Variants in MGMT observed in about 807,000 individuals in gnomAD.
The protein encoded by MGMT is O-6-methylguanine-DNA methyltransferase, also known as methylated-DNA--protein-cysteine methyltransferase.
MGMT carries 14 observed loss-of-function variants against 15.9 expected under a neutral mutation model. The observed-to-expected ratio is 0.88, with a 90% CI of 0.58 to 1.37. The LOEUF is 1.37. MGMT is among the 40% of genes most tolerant of loss of function. The probability of loss-of-function intolerance (pLI) is 0.00; values close to 1 mark genes in which losing one functional copy is unlikely to be tolerated. For synonymous variants in MGMT, 130 were observed against 118.2 expected, an observed-to-expected ratio of 1.10 and a Z score of -0.65; for missense variants, 282 against 268.1, an observed-to-expected ratio of 1.05 and a Z score of -0.36.
rs776530678 is a variant in MGMT, at chr10:129,759,308, G to A, written c.381G>A (p.Ala127=). Residue 127 remains alanine, a synonymous_variant, in exon 4 of 5, where the codon GCG becomes GCA. Coordinates refer to ENST00000651593, the MANE Select transcript of MGMT (RefSeq NM_002412.5). ...LAALAGNPKA[A]RAVGGAMRGN... is the part of the protein sequence containing the mutation. ...CCCTGGCAGGCAACCCCAAAGCCGC[G>A]CGAGCAGTGGGAGGAGCAATGAGAG... 33 of 1,614,074 alleles carry A rather than the reference G, an allele frequency of 2.0e-5. No homozygotes were observed. The highest frequency in any genetic ancestry group is 2.0e-4 in the East Asian group (9 of 44,894).
intron 1 of MGMT, among the ~76,000 whole-genome samples, chr10:129,477,997 G>A (rs1200211114): frequency 1.3e-5 from 2 of 152,160 alleles, no homozygotes; most frequent in African/African-American, 4.8e-5. Context: ...CAGATTTCAT[G>A]ACCAGAAACA....
intron 2 of MGMT, among the ~76,000 whole-genome samples, chr10:129,655,185 G>A (rs561057501): frequency 1.9e-4 from 29 of 152,328 alleles, no homozygotes; most frequent in Non-Finnish European, 3.2e-4. Flanking sequence ...ACACAGTCCC[G>A]TGGGGGCCCC....
chr10:129,496,682 C>T (rs114378367), intron 1 of MGMT, among the ~76,000 whole-genome samples: 3,380 of 152,150 alleles, frequency 0.022, 82 homozygotes, highest in African/African-American at 0.058. Context: ...CTAGCTGTCC[C>T]GTGCTCTAGA....
chr10:129,645,988 G>C lies in MGMT; in HGVS notation c.126-61907G>C, dbSNP rs889338840. On this transcript the variant is annotated intron_variant, in intron 2 of 4. Coordinates refer to ENST00000651593, the MANE Select transcript of MGMT (RefSeq NM_002412.5). Reference sequence around the variant, plus strand: ...AGGTGTGGCTTGTTTGCATCTCTATGTTTGTGACCAAGTCGTTTCCTTCCT... The same window carrying C: ...AGGTGTGGCTTGTTTGCATCTCTATCTTTGTGACCAAGTCGTTTCCTTCCT... Among the ~76,000 whole-genome samples, 4 of 152,286 alleles carry C rather than the reference G, an allele frequency of 2.6e-5. No homozygotes were observed. The East Asian group carries it at 7.8e-4, about 30-fold the overall frequency.
Position 129,768,600 on chromosome 10 carries a change from G to A in MGMT, c.*1603G>A, listed in dbSNP as rs894949107. Among the ~76,000 whole-genome samples the A allele has an allele frequency of 2.6e-5, 4 of 152,266 alleles. No homozygotes were observed. The highest frequency in any genetic ancestry group is 4.8e-5 in the African/African-American group (2 of 41,476). On this transcript the variant is annotated 3_prime_UTR_variant, in exon 5 of 5. Coordinates refer to ENST00000651593, the MANE Select transcript of MGMT (RefSeq NM_002412.5). The stretch of plus-strand genomic sequence containing the variant: ...ATGATGGCCCTCCCCAGTGATGGCC[G>A]GTCACCAGGCACGGCTTTCCCCTCT...
chr10:129,657,291 T>A (rs1250456693), intron 2 of MGMT, among the ~76,000 whole-genome samples: 2 of 151,970 alleles, frequency 1.3e-5, no homozygotes, highest in East Asian at 3.9e-4. Flanking sequence ...GGAATACACA[T>A]GTATGTGACT....
At chr10:129,669,272 T>C (rs1212789358) in intron 2 of MGMT, among the ~76,000 whole-genome samples, 1 of 152,116 alleles carries the variant, frequency 6.6e-6, no homozygotes, top group Non-Finnish European at 1.5e-5. Context: ...CTCAAACAAT[T>C]CTCCCACCTC....
intron 2 of MGMT, among the ~76,000 whole-genome samples, chr10:129,627,469 G>T (rs112090505): frequency 2.6e-5 from 4 of 151,906 alleles, no homozygotes; most frequent in African/African-American, 9.7e-5. Context: ...TCAGTTTTTC[G>T]CCCCCGAGTG....
chr10:129,606,675 G>A (rs1564866738), intron 2 of MGMT, among the ~76,000 whole-genome samples: 1 of 152,194 alleles, frequency 6.6e-6, no homozygotes, highest in Non-Finnish European at 1.5e-5. Context: ...TAATTAAAGT[G>A]GGTTTGTTTA....
At chr10:129,515,495 CAT>C (rs1316061001) in intron 1 of MGMT, among the ~76,000 whole-genome samples, 1 of 152,210 alleles carries the variant, frequency 6.6e-6, no homozygotes, top group Non-Finnish European at 1.5e-5. Context: ...CTTGATAGCA[CAT>C]GTTTCAGCTG....
intron 3 of MGMT, among the ~76,000 whole-genome samples, chr10:129,745,733 G>C (rs572999447): frequency 6.6e-6 from 1 of 152,056 alleles, no homozygotes; most frequent in African/African-American, 2.4e-5. Context: ...TTCTTTTGTG[G>C]TTATTGACCC....
At chr10:129,575,123 A>G (rs906569184) in intron 2 of MGMT, among the ~76,000 whole-genome samples, 1 of 152,208 alleles carries the variant, frequency 6.6e-6, no homozygotes, top group Non-Finnish European at 1.5e-5. Context: ...TAGACAGATC[A>G]ACAAGACAGA....
chr10:129,555,001 G>A (rs1032960557), intron 2 of MGMT, among the ~76,000 whole-genome samples: 1 of 152,172 alleles, frequency 6.6e-6, no homozygotes, highest in Non-Finnish European at 1.5e-5. Context: ...TAGATTGTTG[G>A]ACAATTAAAT....
At chr10:129,636,797 A>G (rs890066320) in intron 2 of MGMT, among the ~76,000 whole-genome samples, 6 of 152,242 alleles carry the variant, frequency 3.9e-5, no homozygotes, top group Admixed American at 6.5e-5. Context: ...CATAAATTAT[A>G]TAATCTTTTG....
intron 2 of MGMT, among the ~76,000 whole-genome samples, chr10:129,599,304 C>T (rs1046711709): frequency 6.6e-6 from 1 of 152,178 alleles, no homozygotes; most frequent in South Asian, 2.1e-4. Flanking sequence ...TACAGAAAAA[C>T]CTTGAGGCCA....
At chr10:129,748,157 C>CA (rs1438125273) in intron 3 of MGMT, among the ~76,000 whole-genome samples, 1 of 152,208 alleles carries the variant, frequency 6.6e-6, no homozygotes, top group Non-Finnish European at 1.5e-5. Flanking sequence ...TCCTTGAAGA[C>CA]AGAGTATCTA....
intron 1 of MGMT, among the ~76,000 whole-genome samples, chr10:129,472,464 G>A (rs906748882): frequency 6.6e-6 from 1 of 152,024 alleles, no homozygotes; most frequent in Non-Finnish European, 1.5e-5. Context: ...GAACCATTTC[G>A]AGCCCTCGTT....
intron 3 of MGMT, among the ~76,000 whole-genome samples, chr10:129,737,922 T>C (rs1222013232): frequency 3.3e-5 from 5 of 152,294 alleles, no homozygotes; most frequent in South Asian, 2.1e-4. Flanking sequence ...CTCAGATCTG[T>C]AGCTGCGTGC....
chr10:129,564,334 C>A (rs1295728031), intron 2 of MGMT, among the ~76,000 whole-genome samples: 1 of 45,942 alleles, frequency 2.2e-5, no homozygotes. Flanking sequence ...CCTCTTTCCT[C>A]CCCCTCTTTC....
Sources: allele counts gnomAD v4.1 joint callset (sites outside exome capture counted in the v4.1 genomes callset), GRCh38; gene constraint gnomAD v4.1.1; transcripts MANE v1.5; gene names NCBI Gene and HGNC (gene_info 2026-07-23, HGNC 2026-07-21).